ABLIM3: variants seen among roughly 807,000 people sequenced by gnomAD.
ABLIM3 encodes actin binding LIM protein family member 3, also known as actin-binding LIM protein 3.
Under a neutral mutation model 109.5 loss-of-function variants are expected in ABLIM3, and 61 were observed. That is an observed-to-expected ratio of 0.56 (90% CI 0.45 to 0.69). The LOEUF is 0.69. Ranked by LOEUF, ABLIM3 falls within the 30% of genes least tolerant of loss-of-function variation. ABLIM3 has a pLI of 0.00. For synonymous variants in ABLIM3, 300 were observed against 324.8 expected, an observed-to-expected ratio of 0.92 and a Z score of 0.82; for missense variants, 796 against 889.5, an observed-to-expected ratio of 0.89 and a Z score of 1.34.
At chr5:149,202,511 G>A (rs925526813) in intron 5 of ABLIM3, among the ~76,000 whole-genome samples, 2 of 152,286 alleles carry the variant, frequency 1.3e-5, no homozygotes, top group Middle Eastern at 3.4e-3. Flanking sequence ...TGACTAGATG[G>A]GGTGTTGGAA....
intron 2 of ABLIM3, among the ~76,000 whole-genome samples, chr5:149,164,556 G>A (rs1581021465): frequency 1.3e-5 from 2 of 152,212 alleles, no homozygotes; most frequent in African/African-American, 4.8e-5. Flanking sequence ...TCCTTACCCT[G>A]GACCCCCTGA....
chr5:149,239,145 A>C (rs58203769), intron 11 of ABLIM3, 103 bp from the exon 12 acceptor site: 1 of 1,146,564 alleles, frequency 8.7e-7, no homozygotes, highest in South Asian at 1.3e-5. Context: ...ACTGCTGCAA[A>C]CCCTCTCTGC....
chr5:149,189,002 A>G (rs77284648), intron 3 of ABLIM3, among the ~76,000 whole-genome samples: 2,948 of 152,312 alleles, frequency 0.019, 95 homozygotes, highest in African/African-American at 0.068. Flanking sequence ...GGGTGGTACT[A>G]GCACAAGGAT....
intron 8 of ABLIM3, among the ~76,000 whole-genome samples, chr5:149,222,662 T>C (rs1315970621): frequency 2.7e-5 from 1 of 36,806 alleles, no homozygotes; most frequent in Non-Finnish European, 5.9e-5. Context: ...TTCAGATTAC[T>C]TTTTTTTTTT....
intron 23 of ABLIM3, 131 bp downstream of exon 23, chr5:149,252,968 G>T: frequency 3.0e-6 from 2 of 664,802 alleles, no homozygotes; most frequent in East Asian, 3.0e-5. Context: ...AAAAAGCAGG[G>T]ACTTGAACCA....
intron 10 of ABLIM3, 99 bp downstream of exon 10, chr5:149,233,399 C>A: frequency 7.9e-7 from 1 of 1,265,542 alleles, no homozygotes; most frequent in Non-Finnish European, 1.2e-6. Flanking sequence ...TTTCATCCAG[C>A]TGACATTTGA....
intron 9 of ABLIM3, 35 bp from the exon 10 acceptor site, chr5:149,233,194 G>A (rs763740984): frequency 2.5e-6 from 4 of 1,608,900 alleles, no homozygotes; most frequent in Non-Finnish European, 3.4e-6. Flanking sequence ...TCAGGTTGCA[G>A]CTTCTCACCT....
intron 2 of ABLIM3, among the ~76,000 whole-genome samples, chr5:149,154,181 G>T (rs1457763489): frequency 6.6e-6 from 1 of 152,188 alleles, no homozygotes; most frequent in Non-Finnish European, 1.5e-5. Context: ...CAGCAGCAGG[G>T]GCAGCCCAAG....
At chr5:149,181,393 T>G (rs1418146172) in intron 2 of ABLIM3, among the ~76,000 whole-genome samples, 1 of 152,196 alleles carries the variant, frequency 6.6e-6, no homozygotes. Context: ...TTGAAATATT[T>G]TGCATGTATT....
chr5:149,178,258 T>C (rs1400836734), intron 2 of ABLIM3, among the ~76,000 whole-genome samples: 2 of 152,200 alleles, frequency 1.3e-5, no homozygotes, highest in Non-Finnish European at 2.9e-5. Context: ...TCTTCTTTGG[T>C]ATTTAGCAGA....
intron 4 of ABLIM3, chr5:149,199,031 T>G (rs1758250901): frequency 2.2e-6 from 1 of 456,488 alleles, no homozygotes; most frequent in Non-Finnish European, 4.4e-6. Context: ...GATAGTCATC[T>G]ATCTTCTCTC....
At chr5:149,224,198 T>G (rs1053829938) in intron 8 of ABLIM3, among the ~76,000 whole-genome samples, 1 of 152,162 alleles carries the variant, frequency 6.6e-6, no homozygotes, top group Non-Finnish European at 1.5e-5. Flanking sequence ...ACAATAGGAA[T>G]AATAAGAATA....
intron 20 of ABLIM3, among the ~76,000 whole-genome samples, chr5:149,251,155 TG>T (rs1313242699): frequency 6.6e-6 from 1 of 152,120 alleles, no homozygotes; most frequent in Non-Finnish European, 1.5e-5. Flanking sequence ...ACCAAATAAA[TG>T]GATATATATT....
At chr5:149,187,418 C>T (rs1757061326) in intron 3 of ABLIM3, among the ~76,000 whole-genome samples, 1 of 152,096 alleles carries the variant, frequency 6.6e-6, no homozygotes, top group African/African-American at 2.4e-5. Context: ...AACTAGAAAA[C>T]AGCAGAAGAA....
At position 149,198,587 on chromosome 5, in the gene ABLIM3, T is replaced by G. The variant is rs1230413097; in HGVS notation, c.335+185T>G. On this transcript the variant is annotated intron_variant, in intron 4 of 23. Transcript: ENST00000309868. This position sits in a 1 kb window ranked among gnomAD's most constrained non-coding sequence, Gnocchi z 4.2. ...TTCAAACACTGTAGCATCTGAATCT[T>G]TCTTATAAAATACAATCTGATCTAA... Among the ~76,000 whole-genome samples, 1 of 152,222 alleles carries G rather than the reference T, an allele frequency of 6.6e-6. No individual in the cohort carries two copies. Among genetic ancestry groups the G allele is most frequent in the Admixed American group, 6.5e-5 (1 of 15,278 alleles).
chr5:149,244,659 C>T, intron 15 of ABLIM3: 1 of 574,176 alleles, frequency 1.7e-6, no homozygotes, highest in East Asian at 3.0e-5. Context: ...CTTAAGCAAG[C>T]CCCTTCCCCT....
At chr5:149,247,661 G>A (rs1285855340) in intron 17 of ABLIM3, 121 bp from the exon 18 acceptor site, 1 of 1,302,960 alleles carries the variant, frequency 7.7e-7, no homozygotes, top group Admixed American at 1.8e-5. Context: ...GGGACGCTGG[G>A]AAGGCAAACA....
chr5:149,237,737 G>T, intron 11 of ABLIM3, 134 bp downstream of exon 11: 2 of 1,167,570 alleles, frequency 1.7e-6, no homozygotes, highest in Non-Finnish European at 2.4e-6. Context: ...GGGATTTATG[G>T]CCAACGTTTT....
At chr5:149,169,247 G>T (rs1481008779) in intron 2 of ABLIM3, among the ~76,000 whole-genome samples, 1 of 152,142 alleles carries the variant, frequency 6.6e-6, no homozygotes, top group Non-Finnish European at 1.5e-5. Flanking sequence ...ACATTTATTT[G>T]ACGTAACAGG....
Sources: gnomAD v4.1 joint callset for allele counts (sites outside exome capture counted in the v4.1 genomes callset) on GRCh38, gnomAD v4.1.1 for gene constraint, Gnocchi (gnomAD v3.1) non-coding constraint, MANE v1.5 for transcripts, NCBI Gene and HGNC (gene_info 2026-07-23, HGNC 2026-07-21) for gene names.